Variants in NUP58 observed in about 807,000 individuals in gnomAD.
The protein encoded by NUP58 is nucleoporin p58/p45.
A neutral mutation model predicts 70.1 loss-of-function variants in NUP58; 17 were observed. The observed-to-expected ratio is 0.24, with a 90% CI of 0.17 to 0.36. The LOEUF is 0.36. Ranked by LOEUF, NUP58 falls within the 10% of genes least tolerant of loss-of-function variation. The pLI is 1.00. For missense variants in NUP58, 644 were observed against 701.5 expected, an observed-to-expected ratio of 0.92 and a Z score of 0.93; for synonymous variants, 275 against 257.6, an observed-to-expected ratio of 1.07 and a Z score of -0.65.
At chr13:25,344,002 A>G (rs760064431), downstream of NUP58, among the ~76,000 whole-genome samples, 7 of 151,962 alleles carry the variant, frequency 4.6e-5, no homozygotes, top group Non-Finnish European at 1.0e-4. Flanking sequence ...CCTTCCCAAA[A>G]TGCTATACAA....
intron 6 of NUP58, 138 bp from the exon 7 acceptor site, chr13:25,319,188 C>T (rs1243906531): frequency 2.5e-6 from 2 of 799,864 alleles, no homozygotes; most frequent in Admixed American, 3.8e-5. Flanking sequence ...CATGACATCA[C>T]ATGATGTTTA....
At chr13:25,305,138 T>TG (rs2030263921) in intron 1 of NUP58, among the ~76,000 whole-genome samples, 37 of 16,068 alleles carry the variant, frequency 2.3e-3, no homozygotes, top group Non-Finnish European at 7.6e-3. Flanking sequence ...GGGTTTTTTT[T>TG]TTTTTTTTTT....
At chr13:25,319,445 A>C (rs2031085369) in intron 7 of NUP58, 95 bp downstream of exon 7, 2 of 1,208,688 alleles carry the variant, frequency 1.7e-6, no homozygotes, top group Admixed American at 4.2e-5. Context: ...AATATCATAT[A>C]CATTTAGGAG....
intron 10 of NUP58, 75 bp downstream of exon 10, chr13:25,325,143 A>G (rs1452758031): frequency 7.7e-6 from 8 of 1,045,044 alleles, no homozygotes; most frequent in African/African-American, 1.6e-5. Flanking sequence ...TATACAAACT[A>G]AATATTTTTA....
At chr13:25,302,932 C>T (rs899324560) in intron 1 of NUP58, 4 of 455,876 alleles carry the variant, frequency 8.8e-6, no homozygotes, top group South Asian at 1.6e-5. Context: ...TCCAGTTCCA[C>T]AACCCTGCTT....
intron 2 of NUP58, 129 bp downstream of exon 2, chr13:25,308,077 A>T: frequency 9.8e-7 from 1 of 1,024,410 alleles, no homozygotes; most frequent in Non-Finnish European, 1.4e-6. Flanking sequence ...TGCTAAGATG[A>T]AAAGAAATGC....
At chr13:25,308,368 A>G (rs1406738086) in intron 2 of NUP58, among the ~76,000 whole-genome samples, 1 of 151,754 alleles carries the variant, frequency 6.6e-6, no homozygotes, top group Non-Finnish European at 1.5e-5. Flanking sequence ...TGGCATGATC[A>G]TGGCTCACTG....
At chr13:25,328,175 G>C (rs968580792) in intron 12 of NUP58, among the ~76,000 whole-genome samples, 67 of 151,722 alleles carry the variant, frequency 4.4e-4, no homozygotes, top group African/African-American at 1.6e-3. Context: ...CTCCAGCCTG[G>C]GCAACAGAGC....
At chr13:25,327,205 T>A in intron 11 of NUP58, among the ~76,000 whole-genome samples, 171 bp downstream of exon 11, 1 of 152,214 alleles carries the variant, frequency 6.6e-6, no homozygotes. Context: ...ATTATATGAA[T>A]TGTTACTGTG....
At chr13:25,330,834 A>G (rs2031575944) in intron 12 of NUP58, among the ~76,000 whole-genome samples, 1 of 152,128 alleles carries the variant, frequency 6.6e-6, no homozygotes, top group Non-Finnish European at 1.5e-5. Context: ...CCCTCCAACC[A>G]CTGCTGAGGT....
intron 9 of NUP58, among the ~76,000 whole-genome samples, chr13:25,323,374 TAAATTA>T (rs1219817480): frequency 6.4e-5 from 2 of 31,326 alleles, no homozygotes; most frequent in African/African-American, 7.6e-5. Flanking sequence ...AAAATAAAAT[TAAATTA>T]AAAAAAAAAA....
At chr13:25,308,008 T>C in intron 2 of NUP58, 60 bp downstream of exon 2, 1 of 1,582,978 alleles carries the variant, frequency 6.3e-7, no homozygotes, top group Non-Finnish European at 8.6e-7. Flanking sequence ...TCCTAAATTG[T>C]GTCCTGTATC....
chr13:25,334,162 C>T (rs1460283297), intron 13 of NUP58: 27 of 985,174 alleles, frequency 2.7e-5, no homozygotes, highest in Non-Finnish European at 3.3e-5. Flanking sequence ...TCATGAGCAT[C>T]GATAACGTGG....
At chr13:25,327,580 A>G in intron 12 of NUP58, 68 bp downstream of exon 12, 1 of 947,800 alleles carries the variant, frequency 1.1e-6, no homozygotes, top group Non-Finnish European at 1.6e-6. Context: ...CTGGGGACAA[A>G]TGTGTCCATG....
Position 25,307,897 on chromosome 13 carries a change from C to A in NUP58, c.199C>A (p.Leu67Ile). The A allele has an allele frequency of 6.2e-7, 1 of 1,614,074 alleles. No homozygotes were observed. Among genetic ancestry groups the A allele is most frequent in the Non-Finnish European group, 8.5e-7 (1 of 1,180,008 alleles). Residue 67 changes from leucine to isoleucine, a missense_variant, in exon 2 of 16, where the codon CTC becomes ATC. Around this residue, in one of 4 missense-constraint regions of NUP58, gnomAD observed 430 missense variants for 409.2 expected, o/e 1.05. Transcript: ENST00000381736. ...SAPSSGFGTG[L>I]FGSKPATGFT... ...TCCTTCAAGTGGTTTTGGAACCGGG[C>A]TCTTTGGATCTAAACCTGCCACTGG...
At chr13:25,314,027 CA>C (rs2030806920) in intron 5 of NUP58, among the ~76,000 whole-genome samples, 1 of 152,088 alleles carries the variant, frequency 6.6e-6, no homozygotes, top group Non-Finnish European at 1.5e-5. Context: ...CTCCAGGGTT[CA>C]AGAGAGATTC....
intron 6 of NUP58, among the ~76,000 whole-genome samples, chr13:25,318,718 A>T (rs2031050172): frequency 6.6e-6 from 1 of 152,212 alleles, no homozygotes; most frequent in Non-Finnish European, 1.5e-5. Context: ...CACCTACATA[A>T]CTGGCAAGGT....
rs556541627 is a variant in NUP58 at position 25,313,762 on chromosome 13, G to C, written c.574+11G>C. 2 of 1,513,718 alleles carry C rather than the reference G, an allele frequency of 1.3e-6. No homozygotes were observed. Among genetic ancestry groups the C allele is most frequent in the South Asian group, 2.8e-5 (2 of 72,644 alleles). The allele number at this position is 1,513,718 out of a possible 1,614,324, so 93.8% of individuals were successfully genotyped here. A position where few individuals can be genotyped will look rare whatever the true frequency, so the allele number is the denominator to read the frequency against. On this transcript the variant is annotated intron_variant, in intron 5 of 15. Transcript: ENST00000381736. ...ACACAGGAACATCAGGTAATTGATGGTATTTATTCTCCAGAATAGTAAATA... is the reference window on the plus strand; with the variant it reads ...ACACAGGAACATCAGGTAATTGATGCTATTTATTCTCCAGAATAGTAAATA...
At chr13:25,339,699 A>G (rs1278252012) in intron 15 of NUP58, among the ~76,000 whole-genome samples, 2 of 152,226 alleles carry the variant, frequency 1.3e-5, no homozygotes, top group Non-Finnish European at 2.9e-5. Context: ...GTTTCTGGCA[A>G]CTTGAAGTTT....
Sources: gnomAD v4.1 joint callset for allele counts (sites outside exome capture counted in the v4.1 genomes callset) on GRCh38, gnomAD v4.1.1 for gene constraint, gnomAD v4.1.1 regional missense constraint, MANE v1.5 for transcripts, NCBI Gene and HGNC (gene_info 2026-07-23, HGNC 2026-07-21) for gene names.